Variants in DOCK3 observed in about 807,000 individuals in gnomAD.
DOCK3 encodes the protein dedicator of cytokinesis protein 3.
Under a neutral mutation model 265.6 loss-of-function variants are expected in DOCK3, and 60 were observed. The ratio of observed to expected loss-of-function variants is 0.23; its 90% CI spans 0.18 to 0.28. The LOEUF (loss-of-function observed/expected upper bound fraction) is 0.28. DOCK3 is among the 10% of genes least tolerant of loss of function. DOCK3 has a pLI of 1.00. For synonymous variants in DOCK3, 881 were observed against 938.0 expected (o/e 0.94, Z 1.11); for missense variants, 1,981 against 2,594.3 (o/e 0.76, Z 5.14).
chr3:50,817,013 A>G (rs1158301173), intron 2 of DOCK3, among the ~76,000 whole-genome samples: 1 of 152,234 alleles, frequency 6.6e-6, no homozygotes, highest in Admixed American at 6.5e-5. Context: ...GTAAAGGAAT[A>G]AAAGAATGGC....
At chr3:50,862,855 A>T (rs967712303) in intron 3 of DOCK3, among the ~76,000 whole-genome samples, 2 of 151,814 alleles carry the variant, frequency 1.3e-5, no homozygotes, top group Admixed American at 6.6e-5. Flanking sequence ...ACTCACATTC[A>T]GCAAGGGTGG....
At chr3:50,943,446 T>C (rs2076347923) in intron 5 of DOCK3, among the ~76,000 whole-genome samples, 1 of 152,126 alleles carries the variant, frequency 6.6e-6, no homozygotes, top group African/African-American at 2.4e-5. Flanking sequence ...TGAAAATTTA[T>C]GTACAGATTA....
intron 9 of DOCK3, among the ~76,000 whole-genome samples, chr3:51,128,412 A>T (rs114408210): frequency 2.0e-5 from 3 of 152,232 alleles, no homozygotes; most frequent in Non-Finnish European, 4.4e-5. Context: ...CCACTGTTCT[A>T]TTGATCCAGC....
intron 9 of DOCK3, among the ~76,000 whole-genome samples, chr3:51,138,798 C>A (rs1368522792): frequency 6.6e-6 from 1 of 152,046 alleles, no homozygotes; most frequent in Non-Finnish European, 1.5e-5. Flanking sequence ...CTTGAAAATC[C>A]CTTCGAAAGA....
chr3:50,779,733 A>G (rs34602347), intron 2 of DOCK3, among the ~76,000 whole-genome samples: 14,320 of 152,180 alleles, frequency 0.094, 819 homozygotes, highest in Non-Finnish European at 0.12. Context: ...CTTCTGTGGC[A>G]TATATGGGTA....
chr3:51,249,309 C>T (rs1297023519), intron 22 of DOCK3, among the ~76,000 whole-genome samples: 2 of 146,052 alleles, frequency 1.4e-5, no homozygotes, highest in East Asian at 4.2e-4. Flanking sequence ...AACCAGCCGC[C>T]CCGTCCGGGA....
intron 14 of DOCK3, among the ~76,000 whole-genome samples, chr3:51,217,177 C>G (rs968423071): frequency 2.7e-5 from 4 of 149,858 alleles, no homozygotes; most frequent in Non-Finnish European, 4.4e-5. Flanking sequence ...GTCAGGATGG[C>G]CCAGATAGGT....
chr3:50,803,260 G>C (rs2043165525), intron 2 of DOCK3, among the ~76,000 whole-genome samples: 1 of 151,932 alleles, frequency 6.6e-6, no homozygotes, highest in Admixed American at 6.6e-5. Flanking sequence ...CTTGAGATTA[G>C]GGAGTGGTGA....
chr3:51,052,426 G>T (rs1196301254), intron 5 of DOCK3, among the ~76,000 whole-genome samples: 3 of 152,102 alleles, frequency 2.0e-5, no homozygotes, highest in African/African-American at 7.2e-5. Context: ...CTGGAGCCTG[G>T]GAAGTTAAGG....
intron 16 of DOCK3, 93 bp downstream of exon 16, chr3:51,227,538 C>A: frequency 6.6e-7 from 1 of 1,526,390 alleles, no homozygotes; most frequent in Non-Finnish European, 8.9e-7. Context: ...CTTATTTGGG[C>A]AAGAAAATGA....
intron 4 of DOCK3, among the ~76,000 whole-genome samples, chr3:50,893,845 C>A (rs1048756472): frequency 3.3e-5 from 5 of 151,764 alleles, no homozygotes; most frequent in African/African-American, 1.2e-4. Flanking sequence ...AAGCTGGAAG[C>A]CATCATTCTC....
At chr3:50,761,431 G>T in intron 1 of DOCK3, among the ~76,000 whole-genome samples, 1 of 152,162 alleles carries the variant, frequency 6.6e-6, no homozygotes. Context: ...CGGAGATTCA[G>T]CTGCTTTGAA....
chr3:51,001,834 A>G (rs911778510), intron 5 of DOCK3, among the ~76,000 whole-genome samples: 1 of 152,098 alleles, frequency 6.6e-6, no homozygotes, highest in Non-Finnish European at 1.5e-5. Flanking sequence ...TATTTTATCT[A>G]TTCTGATAGG....
chr3:50,959,652 T>C (rs2076831966), intron 5 of DOCK3, among the ~76,000 whole-genome samples: 1 of 152,072 alleles, frequency 6.6e-6, no homozygotes, highest in African/African-American at 2.4e-5. Flanking sequence ...AGATCTTGGC[T>C]CACTGCAAGC....
chr3:51,365,217 G>T (rs776196772), intron 49 of DOCK3, among the ~76,000 whole-genome samples: 3 of 152,112 alleles, frequency 2.0e-5, no homozygotes, highest in African/African-American at 7.2e-5. Flanking sequence ...TTATTAGTTG[G>T]ATTCCTAGGT....
chr3:51,246,877 C>G, intron 22 of DOCK3, 70 bp downstream of exon 22: 1 of 1,466,958 alleles, frequency 6.8e-7, no homozygotes, highest in Non-Finnish European at 9.4e-7. Flanking sequence ...CTCAGTGATA[C>G]AATGTGCAGG....
intron 12 of DOCK3, among the ~76,000 whole-genome samples, chr3:51,180,850 T>G (rs2087249077): frequency 6.6e-6 from 1 of 152,116 alleles, no homozygotes; most frequent in South Asian, 2.1e-4. Context: ...GGAGAGATTG[T>G]GTGCTCTCTG....
chr3:50,943,562 A>C (rs2076352149), intron 5 of DOCK3, among the ~76,000 whole-genome samples: 10 of 152,100 alleles, frequency 6.6e-5, no homozygotes, highest in African/African-American at 2.4e-4. Flanking sequence ...AAGGTGTTAG[A>C]TGTTTTCTTT....
chr3:51,116,574 A>G (rs1482824002), intron 9 of DOCK3, among the ~76,000 whole-genome samples: 2 of 151,682 alleles, frequency 1.3e-5, no homozygotes, highest in Non-Finnish European at 1.5e-5. Context: ...TTTTCACGAT[A>G]TTGATTCTTC....
Sources: gnomAD v4.1 joint callset for allele counts (sites outside exome capture counted in the v4.1 genomes callset) on GRCh38, gnomAD v4.1.1 for gene constraint, MANE v1.5 for transcripts, NCBI Gene and HGNC (gene_info 2026-07-23, HGNC 2026-07-21) for gene names.